The following FBXL13 variants were observed in gnomAD, a reference collection of about 807,000 sequenced individuals.
FBXL13 encodes F-box and leucine rich repeat protein 13.
Under a neutral mutation model 83.6 loss-of-function variants are expected in FBXL13, and 67 were observed. The observed-to-expected ratio is 0.80, with a 90% CI of 0.66 to 0.98. The LOEUF is 0.98. Among genes scored for constraint, FBXL13 ranks in the 50% least tolerant of loss-of-function variants. The pLI is 0.00. For missense variants in FBXL13, 822 were observed against 866.5 expected, an observed-to-expected ratio of 0.95 and a Z score of 0.64; for synonymous variants, 272 against 299.5, an observed-to-expected ratio of 0.91 and a Z score of 0.95.
At chr7:102,817,280 C>T (rs1418576842) in intron 19 of FBXL13, among the ~76,000 whole-genome samples, 2 of 152,038 alleles carry the variant, frequency 1.3e-5, no homozygotes, top group Non-Finnish European at 2.9e-5. Flanking sequence ...TATTTTTTGA[C>T]TTTTTAATAA....
chr7:102,811,547 T>C (rs1443158680), downstream of FBXL13, among the ~76,000 whole-genome samples: 4 of 152,198 alleles, frequency 2.6e-5, no homozygotes, highest in African/African-American at 9.6e-5. Context: ...TCAAAGAGCT[T>C]TGGAGCAAGC....
At chr7:102,861,709 C>T (rs866627226) in intron 16 of FBXL13, among the ~76,000 whole-genome samples, 1 of 152,210 alleles carries the variant, frequency 6.6e-6, no homozygotes, top group African/African-American at 2.4e-5. Flanking sequence ...AGGCCGGGCG[C>T]GGTGGCTCAT....
In FBXL13 at chr7:102,889,124, G is replaced by A. The variant is rs116928104; in HGVS notation, c.1009-4812C>T. Among the ~76,000 whole-genome samples, 383 of 152,326 alleles carry A rather than the reference G, an allele frequency of 2.5e-3. 3 individuals are homozygous for A. Among genetic ancestry groups the A allele is most frequent in the Non-Finnish European group, 4.1e-3 (278 of 68,020 alleles). On this transcript the variant is annotated intron_variant, in intron 11 of 19. Coordinates refer to ENST00000313221, the Ensembl canonical transcript of FBXL13. ...GGGAAAGAATCAAGAAGCAGGAGTA[G>A]GGGGTCTTGAGAACTCATTGTGGTG...
intron 11 of FBXL13, among the ~76,000 whole-genome samples, chr7:102,891,180 G>A (rs142172740): frequency 6.6e-6 from 1 of 152,306 alleles, no homozygotes; most frequent in East Asian, 1.9e-4. Flanking sequence ...GAGAGGTCTG[G>A]TAATTGTCTT....
intron 9 of FBXL13, 126 bp downstream of exon 10, chr7:102,931,755 A>T: frequency 1.3e-6 from 1 of 781,318 alleles, no homozygotes; most frequent in Non-Finnish European, 2.1e-6. Flanking sequence ...GTCAATGTTT[A>T]ACATAGTTTG....
chr7:102,861,208 T>C (rs1476500077), intron 16 of FBXL13, among the ~76,000 whole-genome samples: 8 of 152,124 alleles, frequency 5.3e-5, no homozygotes, highest in Admixed American at 5.2e-4. Context: ...TACTGTAATA[T>C]CTAGTACAAA....
chr7:103,068,621 G>A (rs551138587), intron 1 of FBXL13, among the ~76,000 whole-genome samples: 59 of 152,276 alleles, frequency 3.9e-4, no homozygotes, highest in African/African-American at 1.3e-3. Flanking sequence ...CCCTGGGAAC[G>A]TGTGCCAGCT....
Position 103,044,383 on chromosome 7 carries a change from AAC to A in FBXL13, c.-1+11259_-1+11260del, listed in dbSNP as rs1427491233. On this transcript the variant is annotated intron_variant, in intron 2 of 19. Coordinates refer to ENST00000313221, the Ensembl canonical transcript of FBXL13. ...AAGACATTTTTGAGACAATCTGGGAAACTAAAATATAGAATATGAATCTGAAT... is the reference window on the plus strand; with the variant it reads ...AAGACATTTTTGAGACAATCTGGGAATAAAATATAGAATATGAATCTGAAT... Among the ~76,000 whole-genome samples the A allele has an allele frequency of 1.1e-3, 163 of 152,364 alleles. 4 individuals carry two copies. The highest frequency in any genetic ancestry group is 0.011 in the Admixed American group (161 of 15,294).
chr7:103,045,399 T>TCC (rs1796170185), intron 2 of FBXL13, among the ~76,000 whole-genome samples: 1 of 152,148 alleles, frequency 6.6e-6, no homozygotes, highest in Non-Finnish European at 1.5e-5. Context: ...TTTAACAACT[T>TCC]CCCCCTTTTG....
chr7:102,992,755 C>T (rs116207509), intron 6 of FBXL13, among the ~76,000 whole-genome samples: 1,673 of 152,206 alleles, frequency 0.011, 35 homozygotes, highest in African/African-American at 0.039. Flanking sequence ...ACAAGACATA[C>T]GCCAGCACAT....
intron 6 of FBXL13, among the ~76,000 whole-genome samples, chr7:103,001,654 T>A (rs1790419254): frequency 6.6e-6 from 1 of 152,212 alleles, no homozygotes; most frequent in South Asian, 2.1e-4. Flanking sequence ...TAAATTTGTT[T>A]GCTGCATCTT....
At chr7:102,965,010 A>G (rs1368156784) in intron 7 of FBXL13, among the ~76,000 whole-genome samples, 1 of 152,206 alleles carries the variant, frequency 6.6e-6, no homozygotes, top group Non-Finnish European at 1.5e-5. Context: ...TGATTGGCTG[A>G]TTCAATTCAG....
At chr7:102,986,712 C>G (rs1444853608) in intron 6 of FBXL13, among the ~76,000 whole-genome samples, 1 of 152,090 alleles carries the variant, frequency 6.6e-6, no homozygotes, top group East Asian at 1.9e-4. Flanking sequence ...TGGGGACATG[C>G]AGCAGATGGG....
intron 17 of FBXL13, among the ~76,000 whole-genome samples, chr7:102,848,724 C>T (rs532045975): frequency 4.0e-5 from 6 of 151,890 alleles, no homozygotes; most frequent in South Asian, 2.1e-4. Flanking sequence ...CCAGGCACGG[C>T]GCCTCACACC....
At position 102,821,215 on chromosome 7, in the gene FBXL13, C is replaced by T. The variant is rs77854727; in HGVS notation, c.2018+825G>A. Among the ~76,000 whole-genome samples the T allele has an allele frequency of 8.1e-3, 1,230 of 152,198 alleles. 28 individuals are homozygous for T. The highest frequency in any genetic ancestry group is 0.065 in the East Asian group (339 of 5,178). ...ATTCATATCAGAGTTATCTCCAGAC[C>T]TATCAGGAAGGGTTGAGTCTCCAAC... On this transcript the variant is annotated intron_variant, in intron 19 of 19. Coordinates refer to ENST00000313221, the Ensembl canonical transcript of FBXL13.
At chr7:102,853,985 T>C (rs568231490) in intron 17 of FBXL13, among the ~76,000 whole-genome samples, 23 of 152,286 alleles carry the variant, frequency 1.5e-4, no homozygotes, top group Non-Finnish European at 2.6e-4. Flanking sequence ...GATCTAGAAC[T>C]AGAAATACCA....
intron 2 of FBXL13, among the ~76,000 whole-genome samples, chr7:103,046,647 C>T (rs1829958): frequency 0.01 from 1,529 of 152,058 alleles, 23 homozygotes; most frequent in African/African-American, 0.034. Context: ...CATAATAGAC[C>T]CCCTCATCAT....
intron 6 of FBXL13, among the ~76,000 whole-genome samples, chr7:103,019,763 G>C (rs1444903133): frequency 6.6e-6 from 1 of 152,128 alleles, no homozygotes; most frequent in Non-Finnish European, 1.5e-5. Context: ...ACCCTCCCAA[G>C]ACTAAACCAG....
At chr7:102,831,059 CT>C (rs1800584633) in intron 18 of FBXL13, among the ~76,000 whole-genome samples, 1 of 152,136 alleles carries the variant, frequency 6.6e-6, no homozygotes, top group African/African-American at 2.4e-5. Flanking sequence ...GGAACCACCC[CT>C]GTCAGTCATT....
Sources: gnomAD v4.1 joint callset for allele counts (sites outside exome capture counted in the v4.1 genomes callset) on GRCh38, gnomAD v4.1.1 for gene constraint, MANE v1.5 for transcripts, NCBI Gene and HGNC (gene_info 2026-07-23, HGNC 2026-07-21) for gene names.